Variants in PCNX2 observed in about 807,000 individuals in gnomAD.
PCNX2 encodes pecanex 2.
PCNX2 carries 168 observed loss-of-function variants against 223.8 expected under a neutral mutation model. That is an observed-to-expected ratio of 0.75 (90% CI 0.66 to 0.85). The LOEUF is 0.85. Among genes scored for constraint, PCNX2 ranks in the 40% least tolerant of loss-of-function variants. The probability of loss-of-function intolerance (pLI) is 0.00; values close to 1 mark genes in which losing one functional copy is unlikely to be tolerated. For missense variants in PCNX2, 2,507 were observed against 2,675.5 expected, an observed-to-expected ratio of 0.94 and a Z score of 1.39; for synonymous variants, 1,006 against 1,052.6, an observed-to-expected ratio of 0.96 and a Z score of 0.86.
At chr1:233,108,841 A>G (rs1674955535) in intron 21 of PCNX2, among the ~76,000 whole-genome samples, 1 of 152,188 alleles carries the variant, frequency 6.6e-6, no homozygotes, top group Admixed American at 6.5e-5. Flanking sequence ...TGCATCCCTG[A>G]GACCAAGGGG....
In PCNX2 at chr1:233,001,522, A is replaced by T. The variant is rs139941528; in HGVS notation, c.5097+15T>A. The T allele has an allele frequency of 5.2e-4, 572 of 1,099,994 alleles. 3 individuals carry two copies. The African/African-American group carries it at 9.4e-3, about 18-fold the overall frequency. The allele number at this position is 1,099,994 out of a possible 1,614,324, so 68.1% of individuals were successfully genotyped here. ...TAAATAAATAAATAAATAAATAAATAAAATAGGTTTTTACCTGGTGAAGTT... is the reference window on the plus strand; with the variant it reads ...TAAATAAATAAATAAATAAATAAATTAAATAGGTTTTTACCTGGTGAAGTT... On this transcript the variant is annotated intron_variant, in intron 29 of 33. Transcript: ENST00000258229. This position sits in a 1 kb window ranked among gnomAD's most constrained non-coding sequence, Gnocchi z 4.2.
Position 233,200,147 on chromosome 1 carries a change from G to T in PCNX2, c.2974+7C>A. 1 of 1,549,096 alleles carries T rather than the reference G, an allele frequency of 6.5e-7. No homozygotes were observed. Among genetic ancestry groups the T allele is most frequent in the South Asian group, 1.2e-5 (1 of 84,508 alleles). On this transcript the variant is annotated splice_region_variant and intron_variant, in intron 14 of 33. Transcript: ENST00000258229. ...TTTACAGGAAGAATAGAATGTAAACGACTTACCAGAACCACCAAAAAACAG... is the reference window on the plus strand; with the variant it reads ...TTTACAGGAAGAATAGAATGTAAACTACTTACCAGAACCACCAAAAAACAG...
intron 26 of PCNX2, among the ~76,000 whole-genome samples, chr1:233,018,347 G>C (rs1021864761): frequency 1.4e-4 from 21 of 152,126 alleles, no homozygotes; most frequent in African/African-American, 5.1e-4. Flanking sequence ...CTTATGGAAA[G>C]CATTGACAAT....
chr1:233,318,306 C>T, the PCNX2 span, among the ~76,000 whole-genome samples: 1 of 152,248 alleles, frequency 6.6e-6, no homozygotes, highest in African/African-American at 2.4e-5. Flanking sequence ...TTTTGAGGGA[C>T]TATTTTTCCT....
chr1:233,070,210 ATTAGTAAC>A lies in PCNX2; in HGVS notation c.4077-12928_4077-12921del, dbSNP rs1265919884. Among the ~76,000 whole-genome samples the A allele has an allele frequency of 3.3e-5, 5 of 152,298 alleles. No homozygotes were observed. The East Asian group carries it at 9.6e-4, about 29-fold the overall frequency. ...GCCCTGTAACTATTAACGCCATTTA[ATTAGTAAC>A]TTAGAAACTCCCCCCAAAATGAATC... On this transcript the variant is annotated intron_variant, in intron 23 of 33. Transcript: ENST00000258229.
chr1:232,989,364 G>A (rs1012677227), intron 32 of PCNX2, among the ~76,000 whole-genome samples: 2 of 152,044 alleles, frequency 1.3e-5, no homozygotes, highest in East Asian at 3.9e-4. Context: ...TGAGGCAGGA[G>A]AATGGCGTGA....
chr1:233,320,346 C>T, the PCNX2 span, among the ~76,000 whole-genome samples: 48 of 151,832 alleles, frequency 3.2e-4, no homozygotes, highest in Middle Eastern at 3.4e-3. Context: ...GTCCTACATA[C>T]ATTCGTGTGT....
chr1:233,223,940 G>A (rs1161184698), intron 10 of PCNX2, among the ~76,000 whole-genome samples: 2 of 152,114 alleles, frequency 1.3e-5, no homozygotes, highest in African/African-American at 2.4e-5. Context: ...CCACCAGTTC[G>A]AACATCAGTG....
At chr1:233,165,695 TGA>T (rs1333965013) in intron 17 of PCNX2, among the ~76,000 whole-genome samples, 1 of 152,038 alleles carries the variant, frequency 6.6e-6, no homozygotes. Flanking sequence ...AGTAAAGAAA[TGA>T]GAGAAACTAA....
At position 233,017,140 on chromosome 1, in the gene PCNX2, A is replaced by G. The variant is rs373794953; in HGVS notation, c.4620T>C (p.Tyr1540=). 138 of 1,161,828 alleles carry G rather than the reference A, an allele frequency of 1.2e-4. No homozygotes were observed. The highest frequency in any genetic ancestry group is 1.5e-4 in the Non-Finnish European group (125 of 857,840). The allele number at this position is 1,161,828 out of a possible 1,614,324, so 72.0% of individuals were successfully genotyped here. A position where few individuals can be genotyped will look rare whatever the true frequency, so the allele number is the denominator to read the frequency against. The stretch of plus-strand genomic sequence containing the variant: ...AGAGGAGTTTGGGAGACGTTACCAT[A>G]TAGTATATTATACTCTGCAGAGAAA... ...IRYYIKSIIY[Y]MVTSPKLLSW... Residue 1540 remains tyrosine, a synonymous_variant, in exon 27 of 34, where the codon TAT becomes TAC. Transcript: ENST00000258229.
chr1:233,291,330 C>T (rs896733417), intron 1 of PCNX2, among the ~76,000 whole-genome samples: 9 of 152,220 alleles, frequency 5.9e-5, no homozygotes, highest in African/African-American at 2.2e-4. Context: ...GAAGAACGAG[C>T]CAGGCATGGT....
At position 233,017,054 on chromosome 1, in the gene PCNX2, A is replaced by C. The variant is rs762633461; in HGVS notation, c.4706T>G (p.Ile1569Ser). The part of the protein sequence containing the change: ...SLQPFAKWHY[I>S]ERDLAMFNIN... ...GTTGAACATTGCAAGGTCACGCTCA[A>C]TGTAATGCCACTTGGCAAAGGGCTG... Residue 1569 changes from isoleucine (I) to serine (S), a missense_variant, in exon 27 of 34, where the codon ATT becomes AGT. Transcript: ENST00000258229. 4.4e-6 allele frequency: 7 copies of C among 1,598,024 alleles called. No homozygotes were observed. The highest frequency in any genetic ancestry group is 6.0e-6 in the Non-Finnish European group (7 of 1,174,240).
rs771146783 is a variant in PCNX2, at chr1:233,250,797, G to C, written c.2164C>G (p.Gln722Glu). Reference protein sequence around the residue: ...IRSCYLKSGNQKEGPLQPLPS... With the variant: ...IRSCYLKSGNEKEGPLQPLPS... The stretch of plus-strand genomic sequence containing the variant: ...AGAGGCTGTAAAGGGCCTTCTTTCT[G>C]ATTTCCAGATTTTAAATAACAGGAT... The change falls in exon 8 of 34, where the codon CAG becomes GAG. Residue 722 changes from glutamine to glutamate, a missense_variant. This residue lies in a region of PCNX2 where 1,031 missense variants were observed against 1,021.7 expected (regional missense o/e 1.01). Transcript: ENST00000258229. The C allele has an allele frequency of 7.5e-6, 12 of 1,602,476 alleles. No individual in the cohort carries two copies. In the South Asian group the frequency reaches 1.0e-4, roughly 14 times the overall value.
intron 21 of PCNX2, chr1:233,125,962 C>G (rs1430718018): frequency 6.6e-6 from 1 of 152,340 alleles, no homozygotes; most frequent in Admixed American, 6.5e-5. Context: ...GTAATCCCAG[C>G]ACTTTGGGAG....
At chr1:233,272,860 T>C (rs942304585) in intron 1 of PCNX2, among the ~76,000 whole-genome samples, 3 of 152,170 alleles carry the variant, frequency 2.0e-5, no homozygotes, top group African/African-American at 7.2e-5. Context: ...CTGGATGGAA[T>C]TGGAGACCAT....
intron 9 of PCNX2, chr1:233,231,825 C>A (rs1658080834): frequency 1.3e-5 from 3 of 239,560 alleles, no homozygotes; most frequent in African/African-American, 7.0e-5. Flanking sequence ...GCATTGGAGA[C>A]CCTAATAGTG....
At chr1:233,315,586 A>T in the PCNX2 span, among the ~76,000 whole-genome samples, 1 of 152,204 alleles carries the variant, frequency 6.6e-6, no homozygotes, top group Non-Finnish European at 1.5e-5. Context: ...GTCCACTTTG[A>T]GGGAGTTACA....
chr1:232,985,789 G>A (rs1216932208), intron 33 of PCNX2: 18 of 591,664 alleles, frequency 3.0e-5, no homozygotes, highest in Non-Finnish European at 4.2e-5. Context: ...GGCATTCTCC[G>A]TCATGCCCCG....
At chr1:233,034,330 T>A (rs1341333952) in intron 25 of PCNX2, among the ~76,000 whole-genome samples, 1 of 152,030 alleles carries the variant, frequency 6.6e-6, no homozygotes, top group Non-Finnish European at 1.5e-5. Flanking sequence ...GAGAACTTGC[T>A]CTCTCTCTGT....
Sources: gnomAD v4.1 joint callset for allele counts (sites outside exome capture counted in the v4.1 genomes callset) on GRCh38, gnomAD v4.1.1 for gene constraint, gnomAD v4.1.1 regional missense constraint, Gnocchi (gnomAD v3.1) non-coding constraint, MANE v1.5 for transcripts, NCBI Gene and HGNC (gene_info 2026-07-23, HGNC 2026-07-21) for gene names.